Variants in VPS54 observed in about 807,000 individuals in gnomAD.
VPS54 encodes the protein VPS54 subunit of GARP complex.
In VPS54, 45 loss-of-function variants were observed where a neutral mutation model predicts 121.5. The observed-to-expected ratio is 0.37, with a 90% confidence interval of 0.29 to 0.47. The LOEUF is 0.47. Ranked by LOEUF, VPS54 falls within the 20% of genes least tolerant of loss-of-function variation. VPS54 has a pLI of 0.99. For synonymous variants in VPS54, 371 were observed against 385.8 expected (o/e 0.96, Z 0.45); for missense variants, 1,090 against 1,131.4 (o/e 0.96, Z 0.52).
At chr2:63,950,227 T>C (rs776456681) in intron 7 of VPS54, among the ~76,000 whole-genome samples, 4 of 152,224 alleles carry the variant, frequency 2.6e-5, no homozygotes, top group Non-Finnish European at 5.9e-5. Context: ...TTCACAACTT[T>C]TTCTATAACA....
At chr2:63,968,322 T>G (rs1676107223) in intron 5 of VPS54, among the ~76,000 whole-genome samples, 1 of 151,428 alleles carries the variant, frequency 6.6e-6, no homozygotes. Flanking sequence ...TAGGTTTCAG[T>G]GATGAGAAAG....
At chr2:63,980,682 G>A (rs1156285211) in intron 3 of VPS54, among the ~76,000 whole-genome samples, 1 of 152,016 alleles carries the variant, frequency 6.6e-6, no homozygotes, top group Non-Finnish European at 1.5e-5. Flanking sequence ...GTTCTCTGCT[G>A]TATCCTCATG....
intron 3 of VPS54, among the ~76,000 whole-genome samples, chr2:63,978,434 G>C (rs1676649448): frequency 6.6e-6 from 1 of 152,128 alleles, no homozygotes; most frequent in Non-Finnish European, 1.5e-5. Flanking sequence ...CCTTATCCTA[G>C]AACCAGACCT....
chr2:64,017,290 T>C (rs539935723), intron 1 of VPS54, among the ~76,000 whole-genome samples: 1 of 144,190 alleles, frequency 6.9e-6, no homozygotes, highest in African/African-American at 2.6e-5. Context: ...TGAGCCAAGA[T>C]AGCGCCACTG....
Position 63,987,567 on chromosome 2 carries a change from T to C in VPS54, c.-20-3548A>G, listed in dbSNP as rs74621098. Among the ~76,000 whole-genome samples the C allele has an allele frequency of 4.7e-3, 714 of 152,354 alleles. 8 individuals are homozygous for C. Among genetic ancestry groups the C allele is most frequent in the South Asian group, 0.021 (103 of 4,830 alleles). ...GTTTTTTCTATTTCTCTGAAGAATTTAATTGGTATTTTGATAGGGAATACA... is the reference window on the plus strand; with the variant it reads ...GTTTTTTCTATTTCTCTGAAGAATTCAATTGGTATTTTGATAGGGAATACA... On this transcript the variant is annotated intron_variant, in intron 1 of 22. Transcript: ENST00000272322.
intron 20 of VPS54, among the ~76,000 whole-genome samples, chr2:63,907,884 T>G (rs911252901): frequency 2.0e-5 from 3 of 152,212 alleles, no homozygotes; most frequent in Admixed American, 2.0e-4. Context: ...CATACACACC[T>G]ACAAGAGGAC....
intron 1 of VPS54, among the ~76,000 whole-genome samples, chr2:63,986,860 C>T (rs964727768): frequency 2.0e-5 from 3 of 152,180 alleles, no homozygotes; most frequent in Admixed American, 1.3e-4. Flanking sequence ...GTGCCATTTG[C>T]ATGTTTTCTC....
Position 63,981,863 on chromosome 2 carries a change from GCAA to G in VPS54, c.158_160del (p.Val53del). 6.2e-7 allele frequency: 1 copy of G among 1,613,074 alleles called. No homozygotes were observed. The highest frequency in any genetic ancestry group is 8.5e-7 in the Non-Finnish European group (1 of 1,179,476). On this transcript the variant is annotated inframe_deletion, in exon 3 of 23. Coordinates refer to ENST00000272322, the MANE Select transcript of VPS54 (RefSeq NM_016516.3). ...ATGTTGATCTGTAACTAGAGATGGG[GCAA>G]CATATAAACTATGTGAATCACCTGC... is the stretch of plus-strand genomic sequence containing the variant.
intron 17 of VPS54, chr2:63,913,749 A>T (rs1673255918): frequency 5.5e-6 from 4 of 729,316 alleles, no homozygotes; most frequent in African/African-American, 1.9e-5. Flanking sequence ...CTCAATATGA[A>T]ATGGCTGAAT....
At chr2:63,913,566 G>C (rs1021598191) in intron 17 of VPS54, among the ~76,000 whole-genome samples, 17 of 152,046 alleles carry the variant, frequency 1.1e-4, no homozygotes, top group African/African-American at 4.1e-4. Flanking sequence ...TCTTTAATTT[G>C]CATGTACAAA....
rs906378985 is a variant in VPS54, at chr2:63,996,211, G to A, written c.-20-12192C>T. Among the ~76,000 whole-genome samples the A allele has an allele frequency of 2.0e-5, 3 of 152,178 alleles. No homozygotes were observed. The East Asian group carries it at 5.8e-4, about 29-fold the overall frequency. The stretch of plus-strand genomic sequence containing the variant: ...AGAACATAAATTGTGAAGATTTCAT[G>A]GACAATTTGTTAGTGCTCCAAATTA... On this transcript the variant is annotated intron_variant, in intron 1 of 22. Transcript: ENST00000272322.
chr2:63,980,494 C>A (rs1190103969), intron 3 of VPS54, among the ~76,000 whole-genome samples: 1 of 151,948 alleles, frequency 6.6e-6, no homozygotes, highest in Non-Finnish European at 1.5e-5. Context: ...ATGTCCTATC[C>A]ATTCTTTTTT....
In VPS54 at chr2:63,895,424, A is replaced by G. The variant is rs573190784; in HGVS notation, c.2829-1889T>C. Among the ~76,000 whole-genome samples the G allele has an allele frequency of 7.9e-4, 120 of 152,346 alleles. 2 individuals are homozygous for G. The South Asian group carries it at 0.024, about 31-fold the overall frequency. On this transcript the variant is annotated intron_variant, in intron 22 of 22. Coordinates refer to ENST00000272322, the MANE Select transcript of VPS54 (RefSeq NM_016516.3). ...AGCTGAGATCACGCCACTGCGCTCC[A>G]GCCTGTGTGACAGAGTGATACTCCA...
chr2:63,995,400 C>G lies in VPS54; in HGVS notation c.-20-11381G>C, dbSNP rs529664564. ...AGAAATCTGGATTCCGGTAACTTTG[C>G]CCAGACCTTGGGAATCCTCCCCCTC... is the stretch of plus-strand genomic sequence containing the variant. On this transcript the variant is annotated intron_variant, in intron 1 of 22. Coordinates refer to ENST00000272322, the MANE Select transcript of VPS54 (RefSeq NM_016516.3). Among the ~76,000 whole-genome samples the G allele has an allele frequency of 2.6e-5, 4 of 152,316 alleles. No individual in the cohort carries two copies. The South Asian group carries it at 8.3e-4, about 32-fold the overall frequency.
rs59098081 is a variant in VPS54 at position 63,893,115 on chromosome 2, A to G, written c.*315T>C. 5.1e-6 allele frequency: 2 copies of G among 391,972 alleles called. No individual in the cohort carries two copies. Among genetic ancestry groups the G allele is most frequent in the African/African-American group, 2.0e-5 (1 of 49,156 alleles). The allele number at this position is 391,972 out of a possible 1,614,324, so 24.3% of individuals were successfully genotyped here. A position where few individuals can be genotyped will look rare whatever the true frequency, so the allele number is the denominator to read the frequency against. Reference sequence around the variant, plus strand: ...TAATATAAAGTATACAGAGCATTCTAGTCAACTACAGCTGTGTTACAGCTA... The same window carrying G: ...TAATATAAAGTATACAGAGCATTCTGGTCAACTACAGCTGTGTTACAGCTA... On this transcript the variant is annotated 3_prime_UTR_variant, in exon 23 of 23. Transcript: ENST00000272322.
intron 3 of VPS54, among the ~76,000 whole-genome samples, chr2:63,977,300 C>T (rs1007271156): frequency 2.0e-5 from 3 of 152,114 alleles, no homozygotes; most frequent in Admixed American, 2.0e-4. Flanking sequence ...ATTTGCTCTT[C>T]TTTTGATAAC....
intron 20 of VPS54, among the ~76,000 whole-genome samples, chr2:63,909,425 T>TC (rs1252594427): frequency 7.3e-6 from 1 of 137,084 alleles, no homozygotes; most frequent in African/African-American, 2.8e-5. Flanking sequence ...TTTTTTTTTT[T>TC]TTTTTTTTTT....
At chr2:63,915,197 A>G (rs1293483133) in intron 16 of VPS54, among the ~76,000 whole-genome samples, 1 of 151,524 alleles carries the variant, frequency 6.6e-6, no homozygotes, top group Non-Finnish European at 1.5e-5. Context: ...AAGATGATAA[A>G]GTTATCACCT....
intron 1 of VPS54, among the ~76,000 whole-genome samples, chr2:64,000,670 G>C (rs1351363704): frequency 6.6e-6 from 1 of 152,178 alleles, no homozygotes; most frequent in African/African-American, 2.4e-5. Flanking sequence ...AATAAAATCT[G>C]GAAGAATTCT....
Sources: gnomAD v4.1 joint callset for allele counts (sites outside exome capture counted in the v4.1 genomes callset) on GRCh38, gnomAD v4.1.1 for gene constraint, MANE v1.5 for transcripts, NCBI Gene and HGNC (gene_info 2026-07-23, HGNC 2026-07-21) for gene names.